Variants in SRBD1 observed in about 807,000 individuals in gnomAD.
The protein encoded by SRBD1 is S1 RNA binding domain 1, also known as S1 RNA-binding domain-containing protein 1.
Under a neutral mutation model 115.3 loss-of-function variants are expected in SRBD1, and 88 were observed. The ratio of observed to expected loss-of-function variants is 0.76; its 90% CI spans 0.64 to 0.91. The LOEUF (loss-of-function observed/expected upper bound fraction) is 0.91. Among genes scored for constraint, SRBD1 ranks in the 40% least tolerant of loss-of-function variants. The pLI is 0.00. For synonymous variants in SRBD1, 509 were observed against 407.7 expected (o/e 1.25, Z -2.99); for missense variants, 1,385 against 1,177.4 (o/e 1.18, Z -2.58).
Position 45,605,474 on chromosome 2 carries a change from T to C in SRBD1, c.1-33A>G, listed in dbSNP as rs115205826. ...AAACAGAAAATAAAATCAGCAACACTTGAATATTCTTATCACTTTATTTGG... is the reference window on the plus strand; with the variant it reads ...AAACAGAAAATAAAATCAGCAACACCTGAATATTCTTATCACTTTATTTGG... On this transcript the variant is annotated intron_variant, in intron 1 of 20. Transcript: ENST00000263736. 1.5e-3 allele frequency: 2,303 copies of C among 1,576,596 alleles called. 27 individuals are homozygous for C. In the African/African-American group the frequency reaches 0.027, roughly 19 times the overall value.
intron 12 of SRBD1, among the ~76,000 whole-genome samples, chr2:45,549,954 A>T (rs17322603): frequency 2.6e-5 from 4 of 151,922 alleles, no homozygotes; most frequent in African/African-American, 4.8e-5. Context: ...ATTCGAGATG[A>T]AAGAAAAAAT....
intron 16 of SRBD1, among the ~76,000 whole-genome samples, chr2:45,430,808 C>A (rs1668309559): frequency 6.6e-6 from 1 of 152,138 alleles, no homozygotes; most frequent in Non-Finnish European, 1.5e-5. Context: ...TCTAACTAAA[C>A]TAAAGAGCTT....
At chr2:45,528,728 G>C (rs959808591) in intron 14 of SRBD1, among the ~76,000 whole-genome samples, 1 of 151,818 alleles carries the variant, frequency 6.6e-6, no homozygotes, top group Non-Finnish European at 1.5e-5. Flanking sequence ...AGAAGACAAA[G>C]CGGGTGAGGA....
chr2:45,507,590 G>A (rs983098405), intron 14 of SRBD1, among the ~76,000 whole-genome samples: 13 of 151,650 alleles, frequency 8.6e-5, no homozygotes, highest in Non-Finnish European at 1.2e-4. Flanking sequence ...GCATGGTGGC[G>A]GGCACCTATA....
At chr2:45,562,854 T>G in intron 9 of SRBD1, 98 bp from the exon 10 acceptor site, 1 of 699,938 alleles carries the variant, frequency 1.4e-6, no homozygotes, top group East Asian at 2.9e-5. Flanking sequence ...TTTTACTCGT[T>G]TATTAAACAA....
intron 14 of SRBD1, among the ~76,000 whole-genome samples, chr2:45,508,522 G>A (rs528114548): frequency 6.6e-6 from 1 of 152,016 alleles, no homozygotes. Flanking sequence ...AATTTTTCCT[G>A]TTAAGTTTTC....
chr2:45,452,276 T>C (rs1669021184), intron 16 of SRBD1, among the ~76,000 whole-genome samples: 1 of 152,000 alleles, frequency 6.6e-6, no homozygotes, highest in Non-Finnish European at 1.5e-5. Context: ...ATTTATTTAA[T>C]TGCTGCAGGA....
Position 45,574,611 on chromosome 2 carries a change from T to C in SRBD1, c.1169+16A>G, listed in dbSNP as rs376017789. The C allele has an allele frequency of 2.9e-5, 46 of 1,610,664 alleles. No homozygotes were observed. The highest frequency in any genetic ancestry group is 3.6e-5 in the Non-Finnish European group (43 of 1,178,304). ...TGAGTCCATAAAGCAGAAAACTCCA[T>C]AAAAGAGATACTCACAAGTTCCGAA... On this transcript the variant is annotated intron_variant, in intron 8 of 20. Coordinates refer to ENST00000263736, the MANE Select transcript of SRBD1 (RefSeq NM_018079.5).
In SRBD1 at chr2:45,599,537, T is replaced by C; in HGVS notation, c.560A>G (p.Glu187Gly). 6.2e-7 allele frequency: 1 copy of C among 1,614,234 alleles called. No individual in the cohort carries two copies. The highest frequency in any genetic ancestry group is 8.5e-7 in the Non-Finnish European group (1 of 1,180,040). The change falls in exon 4 of 21, where the codon GAG becomes GGG. Residue 187 changes from glutamate (E) to glycine (G), a missense_variant. Transcript: ENST00000263736. ...GQSALKKIKTETYPQGQPVKF... is the reference protein window; with the variant it reads ...GQSALKKIKTGTYPQGQPVKF... The stretch of plus-strand genomic sequence containing the variant: ...GACAGGCTGCCCCTGAGGATATGTC[T>C]CAGTCTTGATTTTCTTTAAAGCGGA...
rs372193372 is a variant in SRBD1, at chr2:45,515,597, G to A, written c.1875-27266C>T. Among the ~76,000 whole-genome samples the A allele has an allele frequency of 1.1e-4, 16 of 152,156 alleles. No individual in the cohort carries two copies. In the South Asian group the frequency reaches 3.1e-3, roughly 30 times the overall value. On this transcript the variant is annotated intron_variant, in intron 14 of 20. Transcript: ENST00000263736. Reference sequence around the variant, plus strand: ...AAGACTGTATAACTCTGGAGTCTACGCTCCTTGACTTGGCACTATATTACC... The same window carrying A: ...AAGACTGTATAACTCTGGAGTCTACACTCCTTGACTTGGCACTATATTACC...
intron 11 of SRBD1, among the ~76,000 whole-genome samples, chr2:45,551,541 A>T (rs1277519460): frequency 1.3e-5 from 2 of 152,184 alleles, no homozygotes; most frequent in African/African-American, 4.8e-5. Flanking sequence ...ACTGTATATA[A>T]AACCCATATT....
intron 16 of SRBD1, among the ~76,000 whole-genome samples, chr2:45,467,801 T>C (rs10490347): frequency 0.042 from 6,399 of 152,208 alleles, 246 homozygotes; most frequent in East Asian, 0.15. Context: ...TTTCTGATTA[T>C]AAGTAAATTC....
chr2:45,397,303 T>C (rs1259610977), intron 19 of SRBD1, among the ~76,000 whole-genome samples: 1 of 152,224 alleles, frequency 6.6e-6, no homozygotes, highest in Non-Finnish European at 1.5e-5. Context: ...GTTTCTATAT[T>C]TTCTCTCTAT....
intron 18 of SRBD1, 27 bp from the exon 19 acceptor site, chr2:45,413,320 T>C (rs372079959): frequency 4.0e-5 from 64 of 1,594,850 alleles, no homozygotes; most frequent in Admixed American, 9.1e-5. Context: ...AAAACCACAT[T>C]TATGAAAAGG....
rs956942592 is a variant in SRBD1 at position 45,487,263 on chromosome 2, A to G, written c.1966+977T>C. Among the ~76,000 whole-genome samples, 4 of 152,240 alleles carry G rather than the reference A, an allele frequency of 2.6e-5. No individual in the cohort carries two copies. The South Asian group carries it at 8.3e-4, about 32-fold the overall frequency. On this transcript the variant is annotated intron_variant, in intron 15 of 20. Coordinates refer to ENST00000263736, the MANE Select transcript of SRBD1 (RefSeq NM_018079.5). ...AGGTCCATTACTAACCAAGTGGTCTAAATATTCACTTATTATACAGAAAAA... is the reference window on the plus strand; with the variant it reads ...AGGTCCATTACTAACCAAGTGGTCTGAATATTCACTTATTATACAGAAAAA...
At chr2:45,481,470 C>G (rs888258920) in intron 15 of SRBD1, among the ~76,000 whole-genome samples, 2 of 151,824 alleles carry the variant, frequency 1.3e-5, no homozygotes, top group African/African-American at 4.8e-5. Context: ...ACTTAGGGAA[C>G]GTGTACATTT....
intron 15 of SRBD1, among the ~76,000 whole-genome samples, chr2:45,484,532 GAT>G (rs1670057278): frequency 6.6e-6 from 1 of 152,126 alleles, no homozygotes; most frequent in Non-Finnish European, 1.5e-5. Context: ...GTAGTAAAAA[GAT>G]AGTTCCTCAA....
chr2:45,600,404 T>C (rs1349732680), intron 3 of SRBD1, among the ~76,000 whole-genome samples: 2 of 152,186 alleles, frequency 1.3e-5, no homozygotes, highest in Non-Finnish European at 2.9e-5. Flanking sequence ...TTTTTAAAAA[T>C]GAGTAAAGGA....
chr2:45,433,061 G>A lies in SRBD1; in HGVS notation c.2050-13167C>T, dbSNP rs182457816. Among the ~76,000 whole-genome samples the A allele has an allele frequency of 1.2e-4, 18 of 152,196 alleles. No homozygotes were observed. The East Asian group carries it at 3.5e-3, about 29-fold the overall frequency. On this transcript the variant is annotated intron_variant, in intron 16 of 20. Coordinates refer to ENST00000263736, the MANE Select transcript of SRBD1 (RefSeq NM_018079.5). ...TTACATTCCCCATACTAAACTTGAA[G>A]TTTTTCCCAAAGTGGATTCCTAGTG... is the stretch of plus-strand genomic sequence containing the variant.
Sources: gnomAD v4.1 joint callset for allele counts (sites outside exome capture counted in the v4.1 genomes callset) on GRCh38, gnomAD v4.1.1 for gene constraint, MANE v1.5 for transcripts, NCBI Gene and HGNC (gene_info 2026-07-23, HGNC 2026-07-21) for gene names.